The following TNFRSF10B variants were observed in gnomAD, a reference collection of about 807,000 sequenced individuals.
TNFRSF10B encodes tumor necrosis factor receptor superfamily member 10B.
In TNFRSF10B, 35 loss-of-function variants were observed where a neutral mutation model predicts 41.4. The observed-to-expected ratio is 0.85, with a 90% CI of 0.65 to 1.12. TNFRSF10B has a LOEUF of 1.12. TNFRSF10B is among the 50% of genes most tolerant of loss of function. TNFRSF10B has a pLI of 0.00. For missense variants in TNFRSF10B, 584 were observed against 552.7 expected, an observed-to-expected ratio of 1.06 and a Z score of -0.57; for synonymous variants, 230 against 215.5, an observed-to-expected ratio of 1.07 and a Z score of -0.59.
intron 1 of TNFRSF10B, among the ~76,000 whole-genome samples, chr8:23,043,720 A>G (rs969263337): frequency 6.6e-6 from 1 of 152,242 alleles, no homozygotes; most frequent in African/African-American, 2.4e-5. Flanking sequence ...TAAATAGTGA[A>G]CTTCTGATTT....
At chr8:23,043,273 G>C (rs751072316) in intron 1 of TNFRSF10B, 30 bp from the exon 2 acceptor site, 1 of 1,591,470 alleles carries the variant, frequency 6.3e-7, no homozygotes, top group East Asian at 2.2e-5. Context: ...ATGGGCATGA[G>C]TGGCTTCCAG....
rs1334526489 is a variant in TNFRSF10B at position 23,020,631 on chromosome 8, G to A, written c.*2040C>T. On this transcript the variant is annotated 3_prime_UTR_variant, in exon 9 of 9. Coordinates refer to ENST00000276431, the MANE Select transcript of TNFRSF10B (RefSeq NM_003842.5). ...CGCTTGAACCCAGGAGGCGGAGGTT[G>A]CACTGAGCCAAGATCGTACCGTTGC... 3 of 453,468 alleles carry A rather than the reference G, an allele frequency of 6.6e-6. No individual in the cohort carries two copies. Among genetic ancestry groups the A allele is most frequent in the African/African-American group, 2.0e-5 (1 of 49,984 alleles). The allele number at this position is 453,468 out of a possible 1,614,324, so 28.1% of individuals were successfully genotyped here.
chr8:23,034,090 CA>C (rs1811962586), intron 2 of TNFRSF10B, among the ~76,000 whole-genome samples: 1 of 152,122 alleles, frequency 6.6e-6, no homozygotes, highest in Non-Finnish European at 1.5e-5. Flanking sequence ...ACAATAATTA[CA>C]AATTGATGTT....
intron 2 of TNFRSF10B, among the ~76,000 whole-genome samples, chr8:23,034,896 G>A (rs753819376): frequency 2.6e-4 from 40 of 152,298 alleles, no homozygotes; most frequent in South Asian, 1.5e-3. Flanking sequence ...ATTATCATAC[G>A]CTTAACCAGG....
At chr8:23,055,705 C>A (rs1392823608) in intron 1 of TNFRSF10B, among the ~76,000 whole-genome samples, 1 of 151,960 alleles carries the variant, frequency 6.6e-6, no homozygotes, top group African/African-American at 2.4e-5. Context: ...CTCCCCAGGC[C>A]TCCACAAACA....
intron 3 of TNFRSF10B, among the ~76,000 whole-genome samples, chr8:23,030,429 C>T (rs1222524608): frequency 1.3e-5 from 2 of 152,102 alleles, no homozygotes; most frequent in East Asian, 1.9e-4. Flanking sequence ...CCTTCTGCCT[C>T]AGCTTCCTAA....
rs199909973 is a variant in TNFRSF10B, at chr8:23,027,150, C to T, written c.919G>A (p.Glu307Lys). 4.0e-5 allele frequency: 64 copies of T among 1,614,038 alleles called. No individual in the cohort carries two copies. The highest frequency in any genetic ancestry group is 5.2e-5 in the Non-Finnish European group (61 of 1,180,030). ...CCACTCACCAGCAGATGCTCTGACT[C>T]CCCGGGGGACAACATGTTGACACCT... Reference protein sequence around the residue: ...PTGVNMLSPGESEHLLEPAEA... With the variant: ...PTGVNMLSPGKSEHLLEPAEA... The change falls in exon 7 of 9, where the codon GAG becomes AAG. Residue 307 changes from glutamate to lysine, a missense_variant. Physicochemically the swap from Glu to Lys is moderately conservative, Grantham distance 56. Coordinates refer to ENST00000276431, the MANE Select transcript of TNFRSF10B (RefSeq NM_003842.5).
chr8:23,026,489 T>G (rs1811705735), intron 7 of TNFRSF10B, among the ~76,000 whole-genome samples: 2 of 152,210 alleles, frequency 1.3e-5, no homozygotes, highest in Admixed American at 1.3e-4. Context: ...TAGATTATAT[T>G]GCTGTATGTT....
At chr8:23,023,192 CAA>C (rs35410289) in intron 8 of TNFRSF10B, among the ~76,000 whole-genome samples, 39,091 of 151,964 alleles carry the variant, frequency 0.26, 5,242 homozygotes, top group East Asian at 0.33. Context: ...TGCGGGGAGT[CAA>C]AGTCGTCAGA....
intron 1 of TNFRSF10B, among the ~76,000 whole-genome samples, chr8:23,044,996 A>T (rs1220275702): frequency 1.3e-5 from 2 of 148,252 alleles, no homozygotes; most frequent in Admixed American, 7.0e-5. Context: ...CGGATGGATC[A>T]CTTGAGGCCA....
rs776865466 is a variant in TNFRSF10B, at chr8:23,020,433, C to T, written c.*2238G>A. 1.1e-5 allele frequency: 5 copies of T among 454,116 alleles called. No individual in the cohort carries two copies. The highest frequency in any genetic ancestry group is 2.2e-5 in the Non-Finnish European group (5 of 226,798). 28.1% of individuals were successfully genotyped at this position (454,116 alleles called of 1,614,324 possible). The stretch of plus-strand genomic sequence containing the variant: ...ATAGCTTGGCCTGGCTGGTGGCTCA[C>T]GCCTGTAATCCCAGCACTTTCGGAG... On this transcript the variant is annotated 3_prime_UTR_variant, in exon 9 of 9. Coordinates refer to ENST00000276431, the MANE Select transcript of TNFRSF10B (RefSeq NM_003842.5).
intron 1 of TNFRSF10B, among the ~76,000 whole-genome samples, chr8:23,057,297 A>G (rs13271688): frequency 0.57 from 86,949 of 151,306 alleles, 26,330 homozygotes; most frequent in East Asian, 0.86. Flanking sequence ...CACCTGCCTC[A>G]GCCTCCCAAA....
At chr8:23,030,273 C>A (rs1033933003) in intron 3 of TNFRSF10B, among the ~76,000 whole-genome samples, 1 of 152,184 alleles carries the variant, frequency 6.6e-6, no homozygotes, top group African/African-American at 2.4e-5. Context: ...GATTTCCTTA[C>A]CATGTAGCAT....
At chr8:23,032,647 A>G (rs181825833) in intron 2 of TNFRSF10B, among the ~76,000 whole-genome samples, 9 of 152,356 alleles carry the variant, frequency 5.9e-5, no homozygotes, top group Admixed American at 3.9e-4. Flanking sequence ...TGAACATGGA[A>G]TATCTTCCTG....
At chr8:23,044,482 C>T (rs1764984869) in intron 1 of TNFRSF10B, among the ~76,000 whole-genome samples, 1 of 151,942 alleles carries the variant, frequency 6.6e-6, no homozygotes, top group South Asian at 2.1e-4. Flanking sequence ...AACAAAAAGC[C>T]AACAATGTGA....
chr8:23,058,531 G>A (rs1485360252), intron 1 of TNFRSF10B, among the ~76,000 whole-genome samples: 4 of 151,642 alleles, frequency 2.6e-5, no homozygotes, highest in Non-Finnish European at 5.9e-5. Flanking sequence ...TGTTGCCCAG[G>A]CTGGAGTGCC....
At position 23,021,469 on chromosome 8, in the gene TNFRSF10B, G is replaced by C. The variant is rs745946482; in HGVS notation, c.*1202C>G. The C allele has an allele frequency of 2.2e-6, 1 of 454,090 alleles. No homozygotes were observed. Among genetic ancestry groups the C allele is most frequent in the Admixed American group, 2.3e-5 (1 of 42,568 alleles). The allele number at this position is 454,090 out of a possible 1,614,324, so 28.1% of individuals were successfully genotyped here. ...CTTCCCCCTTGATGCCATGGCAGAC[G>C]TGGGAGACAGATTTTGTCTTCTATC... On this transcript the variant is annotated 3_prime_UTR_variant, in exon 9 of 9. Coordinates refer to ENST00000276431, the MANE Select transcript of TNFRSF10B (RefSeq NM_003842.5).
Position 23,021,775 on chromosome 8 carries a change from T to C in TNFRSF10B, c.*896A>G, listed in dbSNP as rs1353332244. The C allele has an allele frequency of 2.2e-6, 1 of 454,138 alleles. No individual in the cohort carries two copies. Among genetic ancestry groups the C allele is most frequent in the South Asian group, 1.6e-5 (1 of 64,478 alleles). The allele number at this position is 454,138 out of a possible 1,614,324, so 28.1% of individuals were successfully genotyped here. On this transcript the variant is annotated 3_prime_UTR_variant, in exon 9 of 9. Transcript: ENST00000276431. ...GGCCCCTGTAGAAGTTGCCAATCAT[T>C]GAAGCCAAAGTACATCTGAGGGAGG...
Position 23,068,998 on chromosome 8 carries a change from TC to T in TNFRSF10B, c.-105del. ...TTTGTGGGCGCAGAGATTGCGGGGTTCTCCGGCCGCGTGCTGATTTATGTGT... is the reference window on the plus strand; with the variant it reads ...TTTGTGGGCGCAGAGATTGCGGGGTTTCCGGCCGCGTGCTGATTTATGTGT... On this transcript the variant is annotated 5_prime_UTR_variant, in exon 1 of 9. Coordinates refer to ENST00000276431, the MANE Select transcript of TNFRSF10B (RefSeq NM_003842.5). 1 of 1,576,314 alleles carries T rather than the reference TC, an allele frequency of 6.3e-7. No individual in the cohort carries two copies. The highest frequency in any genetic ancestry group is 1.7e-5 in the Admixed American group (1 of 57,712).
Sources: gnomAD v4.1 joint callset for allele counts (sites outside exome capture counted in the v4.1 genomes callset) on GRCh38, gnomAD v4.1.1 for gene constraint, MANE v1.5 for transcripts, NCBI Gene and HGNC (gene_info 2026-07-23, HGNC 2026-07-21) for gene names.